RIPOR2: variants seen among roughly 807,000 people sequenced by gnomAD.
RIPOR2 encodes the protein RHO family interacting cell polarization regulator 2.
RIPOR2 carries 39 observed loss-of-function variants against 114.5 expected under a neutral mutation model. That is an observed-to-expected ratio of 0.34 (90% confidence interval 0.26 to 0.44). The LOEUF (loss-of-function observed/expected upper bound fraction) is 0.44, where lower values mean the gene tolerates loss of function less well. Among genes scored for constraint, RIPOR2 ranks in the 20% least tolerant of loss-of-function variants. RIPOR2 has a pLI of 1.00. For missense variants in RIPOR2, 1,007 were observed against 1,255.1 expected, an observed-to-expected ratio of 0.80 and a Z score of 2.99; for synonymous variants, 445 against 484.4, an observed-to-expected ratio of 0.92 and a Z score of 1.07.
At chr6:24,897,670 G>T (rs1020892766) in intron 1 of RIPOR2, among the ~76,000 whole-genome samples, 1 of 152,122 alleles carries the variant, frequency 6.6e-6, no homozygotes, top group Non-Finnish European at 1.5e-5. Context: ...AGTTGGCTCC[G>T]AGGCAATTTC....
chr6:24,849,901 G>A lies in RIPOR2; in HGVS notation c.935C>T (p.Thr312Ile). ...LATHILVGSV[T>I]CETKELFAAR... ...TGCAAACAGCTCTTTGGTCTCACAG[G>A]TCACGCTACCTACCAGGATGTGAGT... is the stretch of plus-strand genomic sequence containing the variant. Residue 312 changes from threonine to isoleucine, a missense_variant, in exon 11 of 22, where the codon ACC becomes ATC. By Grantham distance (89) the Thr-to-Ile change is moderately conservative. Coordinates refer to ENST00000643898, the MANE Select transcript of RIPOR2 (RefSeq NM_001286445.3). 1 of 1,613,892 alleles carries A rather than the reference G, an allele frequency of 6.2e-7. No individual in the cohort carries two copies. The highest frequency in any genetic ancestry group is 8.5e-7 in the Non-Finnish European group (1 of 1,179,840).
In RIPOR2 at chr6:24,849,926, T is replaced by C; in HGVS notation, c.910A>G (p.Thr304Ala). 2 of 1,613,664 alleles carry C rather than the reference T, an allele frequency of 1.2e-6. No homozygotes were observed. Among genetic ancestry groups the C allele is most frequent in the South Asian group, 1.1e-5 (1 of 91,056 alleles). Reference sequence around the variant, plus strand: ...GTCACGCTACCTACCAGGATGTGAGTTGCTAGCCCTTTGAGCTCCGTGACC... The same window carrying C: ...GTCACGCTACCTACCAGGATGTGAGCTGCTAGCCCTTTGAGCTCCGTGACC... ...IKVTELKGLA[T>A]HILVGSVTCE... Residue 304 changes from threonine to alanine, a missense_variant, in exon 11 of 22, where the codon ACT becomes GCT. Transcript: ENST00000643898.
chr6:25,002,169 C>A (rs71555173), intron 1 of RIPOR2, among the ~76,000 whole-genome samples: 601 of 152,302 alleles, frequency 3.9e-3, no homozygotes, highest in Middle Eastern at 0.017. Flanking sequence ...AGTGTGCCAA[C>A]CTTTTCCTTA....
intron 1 of RIPOR2, among the ~76,000 whole-genome samples, chr6:24,983,169 G>GT (rs1457979188): frequency 2.0e-5 from 3 of 150,114 alleles, no homozygotes; most frequent in Non-Finnish European, 3.0e-5. Flanking sequence ...TTTGCCTCAG[G>GT]TTTTTTCCTT....
intron 1 of RIPOR2, among the ~76,000 whole-genome samples, chr6:25,030,361 C>T (rs1776864223): frequency 1.3e-5 from 2 of 152,004 alleles, no homozygotes; most frequent in African/African-American, 4.8e-5. Context: ...GTTCAGAGTC[C>T]CTCGTTTGCT....
At chr6:24,916,627 A>G (rs1336719486) in intron 1 of RIPOR2, among the ~76,000 whole-genome samples, 1 of 152,200 alleles carries the variant, frequency 6.6e-6, no homozygotes, top group Non-Finnish European at 1.5e-5. Context: ...TCAACCCGAC[A>G]AGTGACAGCT....
intron 1 of RIPOR2, among the ~76,000 whole-genome samples, chr6:25,030,161 G>A (rs991990666): frequency 6.6e-6 from 1 of 151,872 alleles, no homozygotes; most frequent in African/African-American, 2.4e-5. Flanking sequence ...TTAAATGGGG[G>A]GAAAAGATCT....
intron 1 of RIPOR2, among the ~76,000 whole-genome samples, chr6:25,035,162 CT>C (rs946726466): frequency 7.2e-5 from 11 of 152,194 alleles, no homozygotes; most frequent in Admixed American, 7.2e-4. Flanking sequence ...GAAACCCAGG[CT>C]TTGTGGGGCC....
rs1166604503 is a variant in RIPOR2, at chr6:24,804,903, T to C, written c.*1470A>G. On this transcript the variant is annotated 3_prime_UTR_variant, in exon 22 of 22. Transcript: ENST00000643898. ...AGAGCTACTGAATGGTCTTGTACTT[T>C]GCTTAATGAACTTGCATCTCTGATA... is the stretch of plus-strand genomic sequence containing the variant. The C allele has an allele frequency of 2.6e-5, 4 of 152,198 alleles. No individual in the cohort carries two copies. The highest frequency in any genetic ancestry group is 5.9e-5 in the Non-Finnish European group (4 of 68,032). 9.4% of individuals were successfully genotyped at this position (152,198 alleles called of 1,614,324 possible).
At chr6:24,934,895 G>A (rs183901078) in intron 1 of RIPOR2, among the ~76,000 whole-genome samples, 1 of 152,260 alleles carries the variant, frequency 6.6e-6, no homozygotes, top group East Asian at 1.9e-4. Flanking sequence ...ACAGAAAACT[G>A]AGCAGTGCCA....
chr6:24,904,477 C>T (rs1425525244), intron 1 of RIPOR2, among the ~76,000 whole-genome samples: 1 of 152,190 alleles, frequency 6.6e-6, no homozygotes, highest in Non-Finnish European at 1.5e-5. Flanking sequence ...TTAGATTGGG[C>T]CCAACTGGGT....
intron 1 of RIPOR2, among the ~76,000 whole-genome samples, chr6:25,000,588 C>T (rs1775262636): frequency 6.6e-6 from 1 of 151,948 alleles, no homozygotes; most frequent in African/African-American, 2.4e-5. Flanking sequence ...TGTTAGGCTA[C>T]ATTGTTCATG....
intron 1 of RIPOR2, among the ~76,000 whole-genome samples, chr6:24,923,392 G>T (rs763344105): frequency 1.3e-5 from 2 of 152,130 alleles, no homozygotes; most frequent in Non-Finnish European, 2.9e-5. Context: ...ACCCAGAAGT[G>T]GAATTGTTGG....
chr6:25,004,716 T>C (rs1249143032), intron 1 of RIPOR2, among the ~76,000 whole-genome samples: 1 of 152,200 alleles, frequency 6.6e-6, no homozygotes, highest in Non-Finnish European at 1.5e-5. Flanking sequence ...TGGGTTGTTT[T>C]TGGAGAGAAG....
chr6:25,035,679 C>T (rs1194589079), intron 1 of RIPOR2, among the ~76,000 whole-genome samples: 1 of 152,142 alleles, frequency 6.6e-6, no homozygotes, highest in African/African-American at 2.4e-5. Flanking sequence ...CTGACCCTTG[C>T]CAGATAACAG....
rs1300426091 is a variant in RIPOR2 at position 24,849,045 on chromosome 6, C to T, written c.1034+757G>A. 2.0e-5 allele frequency among the ~76,000 whole-genome samples: 3 copies of T among 152,170 alleles called. No individual in the cohort carries two copies. The South Asian group carries it at 6.2e-4, about 31-fold the overall frequency. On this transcript the variant is annotated intron_variant, in intron 11 of 21. Transcript: ENST00000643898. ...TTAGCCTCCCGAGTAGCTGGCATTA[C>T]AGGTGCCTGCCACAATGCCCAGCTA...
chr6:24,916,450 T>G lies in RIPOR2; in HGVS notation c.61+19388A>C, dbSNP rs1337570602. ...ACTATGTTTTGTGCTGCATATAGGA[T>G]AGTAACCTCTATATTAATGAGTGTA... On this transcript the variant is annotated intron_variant, in intron 1 of 21. Coordinates refer to ENST00000643898, the MANE Select transcript of RIPOR2 (RefSeq NM_001286445.3). Among the ~76,000 whole-genome samples, 14 of 152,322 alleles carry G rather than the reference T, an allele frequency of 9.2e-5. No homozygotes were observed. In the East Asian group the frequency reaches 2.7e-3, roughly 29 times the overall value.
chr6:25,033,772 T>A (rs1214822710), intron 1 of RIPOR2, among the ~76,000 whole-genome samples: 1 of 152,240 alleles, frequency 6.6e-6, no homozygotes, highest in African/African-American at 2.4e-5. Context: ...AGTTCTACAA[T>A]ACACAATATA....
chr6:25,036,384 TTTTTG>T (rs980509805), intron 1 of RIPOR2, among the ~76,000 whole-genome samples: 1 of 151,838 alleles, frequency 6.6e-6, no homozygotes, highest in Admixed American at 6.6e-5. Flanking sequence ...GTTCAACGGG[TTTTTG>T]TTTTGTTTTG....
Sources: allele counts gnomAD v4.1 joint callset (sites outside exome capture counted in the v4.1 genomes callset), GRCh38; gene constraint gnomAD v4.1.1; transcripts MANE v1.5; gene names NCBI Gene and HGNC (gene_info 2026-07-23, HGNC 2026-07-21).